Variants in DPYD observed in about 807,000 individuals in gnomAD.
DPYD encodes dihydropyrimidine dehydrogenase [NADP(+)].
In DPYD, 109 loss-of-function variants were observed where a neutral mutation model predicts 116.2. The observed-to-expected ratio is 0.94, with a 90% CI of 0.80 to 1.10. The LOEUF (loss-of-function observed/expected upper bound fraction) is 1.10. DPYD is among the 50% of genes least tolerant of loss of function. DPYD has a pLI of 0.00. For missense variants in DPYD, 1,302 were observed against 1,254.5 expected (o/e 1.04, Z -0.57); for synonymous variants, 440 against 432.0 (o/e 1.02, Z -0.23).
At chr1:97,898,771 A>ATT (rs927801185) in intron 1 of DPYD, among the ~76,000 whole-genome samples, 2 of 151,862 alleles carry the variant, frequency 1.3e-5, no homozygotes, top group Admixed American at 1.3e-4. Flanking sequence ...TTTTCATGGT[A>ATT]GTGAATACGT....
intron 18 of DPYD, among the ~76,000 whole-genome samples, chr1:97,293,892 G>A (rs550743488): frequency 1.3e-5 from 2 of 152,194 alleles, no homozygotes; most frequent in African/African-American, 2.4e-5. Flanking sequence ...AGGTTGCAGT[G>A]AGCAGAGATC....
At chr1:97,310,111 C>T (rs191289683) in intron 16 of DPYD, among the ~76,000 whole-genome samples, 1 of 151,916 alleles carries the variant, frequency 6.6e-6, no homozygotes, top group African/African-American at 2.4e-5. Context: ...AATTTTCACT[C>T]TGTACAATTC....
At chr1:97,567,874 CTT>C (rs34884630) in intron 11 of DPYD, among the ~76,000 whole-genome samples, 13 of 149,896 alleles carry the variant, frequency 8.7e-5, no homozygotes, top group East Asian at 7.8e-4. Flanking sequence ...ATGGAGATTT[CTT>C]TTTTTTTTAT....
intron 2 of DPYD, among the ~76,000 whole-genome samples, chr1:97,878,996 A>C (rs1314747513): frequency 6.6e-6 from 1 of 151,958 alleles, no homozygotes; most frequent in African/African-American, 2.4e-5. Flanking sequence ...CATTGTCTAC[A>C]AGGAAAATAA....
At chr1:97,109,939 A>C (rs905658069) in intron 20 of DPYD, among the ~76,000 whole-genome samples, 11 of 152,158 alleles carry the variant, frequency 7.2e-5, no homozygotes, top group Non-Finnish European at 1.6e-4. Context: ...TACATTTGGC[A>C]GAGTGCTCCA....
At chr1:97,288,841 C>A (rs2100972619) in intron 18 of DPYD, among the ~76,000 whole-genome samples, 1 of 151,870 alleles carries the variant, frequency 6.6e-6, no homozygotes, top group Non-Finnish European at 1.5e-5. Flanking sequence ...AAAATCAGAG[C>A]ACAACTGAAG....
chr1:97,176,978 C>G (rs750803279), intron 20 of DPYD, among the ~76,000 whole-genome samples: 1 of 151,934 alleles, frequency 6.6e-6, no homozygotes, highest in Non-Finnish European at 1.5e-5. Context: ...GCCTTTGCCA[C>G]GCTTTATGCC....
At chr1:97,636,271 A>G (rs1019765714) in intron 8 of DPYD, among the ~76,000 whole-genome samples, 17 of 152,146 alleles carry the variant, frequency 1.1e-4, no homozygotes, top group Admixed American at 1.0e-3. Context: ...ATACCAATTA[A>G]TGAAGTCATA....
At chr1:97,694,323 G>A (rs1289083215) in intron 6 of DPYD, among the ~76,000 whole-genome samples, 1 of 152,186 alleles carries the variant, frequency 6.6e-6, no homozygotes, top group Admixed American at 6.5e-5. Context: ...ACTAATGGAT[G>A]AAGTCAGCAA....
intron 9 of DPYD, among the ~76,000 whole-genome samples, chr1:97,594,737 C>T (rs750161068): frequency 1.3e-5 from 2 of 151,406 alleles, no homozygotes; most frequent in African/African-American, 2.4e-5. Context: ...AGATATGTGA[C>T]GATTCATGCC....
chr1:97,333,939 GA>G (rs1173470739), intron 16 of DPYD, among the ~76,000 whole-genome samples: 1 of 152,078 alleles, frequency 6.6e-6, no homozygotes, highest in Non-Finnish European at 1.5e-5. Flanking sequence ...ATGGAAACAA[GA>G]AAAAGTGATA....
At chr1:97,786,578 G>A (rs139830098) in intron 3 of DPYD, among the ~76,000 whole-genome samples, 5 of 152,276 alleles carry the variant, frequency 3.3e-5, no homozygotes, top group Admixed American at 1.3e-4. Flanking sequence ...CACACAAGAT[G>A]AGGGCCCTAC....
chr1:97,690,430 T>C (rs116495583), intron 7 of DPYD, among the ~76,000 whole-genome samples: 2,006 of 151,938 alleles, frequency 0.013, 20 homozygotes, highest in Middle Eastern at 0.024. Flanking sequence ...CTAATTTCTT[T>C]TTTCATTTTT....
At chr1:97,825,266 G>T (rs1443901389) in intron 3 of DPYD, among the ~76,000 whole-genome samples, 1 of 152,150 alleles carries the variant, frequency 6.6e-6, no homozygotes, top group East Asian at 1.9e-4. Context: ...GCAAAGACTG[G>T]CCAGAAAGAG....
chr1:97,466,111 C>A (rs533256315), intron 13 of DPYD, among the ~76,000 whole-genome samples: 1 of 152,116 alleles, frequency 6.6e-6, no homozygotes, highest in Non-Finnish European at 1.5e-5. Context: ...TAAATAAATA[C>A]ATAAATTGAT....
chr1:97,263,918 C>T (rs2100860434), intron 18 of DPYD, among the ~76,000 whole-genome samples: 1 of 152,120 alleles, frequency 6.6e-6, no homozygotes. Flanking sequence ...AAATTACCCC[C>T]TTCATTTGAT....
At chr1:97,763,389 A>C (rs1408331502) in intron 3 of DPYD, among the ~76,000 whole-genome samples, 1 of 151,886 alleles carries the variant, frequency 6.6e-6, no homozygotes, top group Non-Finnish European at 1.5e-5. Context: ...TGCACAATAC[A>C]AACTTCTTAA....
intron 19 of DPYD, among the ~76,000 whole-genome samples, chr1:97,215,776 C>T (rs1220542586): frequency 3.3e-5 from 5 of 152,080 alleles, no homozygotes; most frequent in Admixed American, 2.0e-4. Flanking sequence ...ACGTGACTGG[C>T]GCTAAAATAT....
intron 14 of DPYD, among the ~76,000 whole-genome samples, chr1:97,418,051 T>C (rs1557698415): frequency 6.6e-6 from 1 of 152,200 alleles, no homozygotes; most frequent in Non-Finnish European, 1.5e-5. Flanking sequence ...AAAAAAGTAT[T>C]TTGTGGAAGG....
Sources: gnomAD v4.1 joint callset for allele counts (sites outside exome capture counted in the v4.1 genomes callset) on GRCh38, gnomAD v4.1.1 for gene constraint, MANE v1.5 for transcripts, NCBI Gene and HGNC (gene_info 2026-07-23, HGNC 2026-07-21) for gene names.